Variants in ETV6 observed in about 807,000 individuals in gnomAD.
The protein encoded by ETV6 is ETS variant transcription factor 6.
In ETV6, 16 loss-of-function variants were observed where a neutral mutation model predicts 51.1. The ratio of observed to expected loss-of-function variants is 0.31; its 90% CI spans 0.21 to 0.48. ETV6 has a LOEUF of 0.48. ETV6 is among the 20% of genes least tolerant of loss of function. The pLI is 0.99. For missense variants in ETV6, 458 were observed against 594.8 expected (o/e 0.77, Z 2.39); for synonymous variants, 240 against 224.1 (o/e 1.07, Z -0.64).
At chr12:11,876,023 G>A (rs1436815457) in intron 5 of ETV6, among the ~76,000 whole-genome samples, 3 of 152,164 alleles carry the variant, frequency 2.0e-5, no homozygotes, top group Non-Finnish European at 4.4e-5. Context: ...GGAATCATAG[G>A]TGCAATGTAG....
At chr12:11,674,651 GTGTGTGTGTGTT>G (rs901876446) in intron 1 of ETV6, among the ~76,000 whole-genome samples, 1 of 147,436 alleles carries the variant, frequency 6.8e-6, no homozygotes, top group African/African-American at 2.5e-5. Flanking sequence ...GTGTGTGTGT[GTGTGTGTGTGTT>G]TGGTGTTTTC....
chr12:11,743,281 A>G (rs544867230), intron 1 of ETV6, among the ~76,000 whole-genome samples: 1 of 152,364 alleles, frequency 6.6e-6, no homozygotes, highest in South Asian at 2.1e-4. Flanking sequence ...TTCCAGAGAT[A>G]TAAATCTTTT....
chr12:11,890,124 A>ATTT (rs34570955), intron 7 of ETV6, among the ~76,000 whole-genome samples: 2,946 of 131,018 alleles, frequency 0.022, 58 homozygotes, highest in African/African-American at 0.043. Flanking sequence ...ATTGTAAAAG[A>ATTT]TTTTTTTTTT....
chr12:11,813,257 C>A (rs1398587189), intron 2 of ETV6, among the ~76,000 whole-genome samples: 1 of 152,246 alleles, frequency 6.6e-6, no homozygotes, highest in African/African-American at 2.4e-5. Flanking sequence ...CCTTCCCTTT[C>A]TTCCCTGCCC....
At chr12:11,704,446 A>G (rs896057341) in intron 1 of ETV6, among the ~76,000 whole-genome samples, 2 of 152,132 alleles carry the variant, frequency 1.3e-5, no homozygotes, top group Non-Finnish European at 2.9e-5. Flanking sequence ...TCCCAGGTTT[A>G]AGCGATTCTC....
intron 1 of ETV6, among the ~76,000 whole-genome samples, chr12:11,718,822 A>G (rs1389465989): frequency 6.6e-6 from 1 of 152,132 alleles, no homozygotes; most frequent in African/African-American, 2.4e-5. Flanking sequence ...CCAGTGCTCA[A>G]TACTGTATTT....
At chr12:11,747,940 T>C (rs906621455) in intron 1 of ETV6, among the ~76,000 whole-genome samples, 4 of 152,214 alleles carry the variant, frequency 2.6e-5, no homozygotes, top group African/African-American at 4.8e-5. Context: ...AATAAATAGC[T>C]TCCCATAGGA....
In ETV6 at chr12:11,735,086, CTTTTTTTTTTT is replaced by C. The variant is rs58797937; in HGVS notation, c.34-17348_34-17338del. 3.8e-4 allele frequency among the ~76,000 whole-genome samples: 29 copies of C among 76,242 alleles called. 1 individual carries two copies. In the South Asian group the frequency reaches 0.018, roughly 47 times the overall value. 50.0% of individuals were successfully genotyped at this position (76,242 alleles called of 152,430 possible). A position where few individuals can be genotyped will look rare whatever the true frequency, so the allele number is the denominator to read the frequency against. ...AAAGGTGCAAAGGTGGCAAGGTGGCCTTTTTTTTTTTTTTTTTTTTTTTTTTACTAATACTA... is the reference window on the plus strand; with the variant it reads ...AAAGGTGCAAAGGTGGCAAGGTGGCCTTTTTTTTTTTTTTTACTAATACTA... On this transcript the variant is annotated intron_variant, in intron 1 of 7. Coordinates refer to ENST00000396373, the MANE Select transcript of ETV6 (RefSeq NM_001987.5).
At chr12:11,873,809 C>T (rs1441010255) in intron 5 of ETV6, among the ~76,000 whole-genome samples, 1 of 111,022 alleles carries the variant, frequency 9.0e-6, no homozygotes, top group African/African-American at 3.5e-5. Context: ...ACTATAAAAG[C>T]GAAGCACATG....
intron 3 of ETV6, among the ~76,000 whole-genome samples, chr12:11,843,953 G>T (rs1003003263): frequency 1.3e-5 from 2 of 151,886 alleles, no homozygotes; most frequent in African/African-American, 2.4e-5. Flanking sequence ...AAGAATAAAT[G>T]GAAGGGATCC....
chr12:11,810,099 G>A (rs1020120968), intron 2 of ETV6, among the ~76,000 whole-genome samples: 1 of 152,120 alleles, frequency 6.6e-6, no homozygotes, highest in African/African-American at 2.4e-5. Flanking sequence ...GATTACAGGC[G>A]TGAGCCACCG....
At chr12:11,678,042 A>G (rs1402696357) in intron 1 of ETV6, among the ~76,000 whole-genome samples, 2 of 152,174 alleles carry the variant, frequency 1.3e-5, no homozygotes, top group Non-Finnish European at 2.9e-5. Flanking sequence ...CGTTGTGCCC[A>G]TCTCTGGATT....
intron 7 of ETV6, among the ~76,000 whole-genome samples, chr12:11,889,450 G>A (rs1947254434): frequency 1.3e-5 from 2 of 152,226 alleles, no homozygotes; most frequent in South Asian, 2.1e-4. Context: ...GTAATCAAGT[G>A]AGGTGTTGAA....
At chr12:11,800,502 T>A (rs1413471056) in intron 2 of ETV6, among the ~76,000 whole-genome samples, 1 of 152,160 alleles carries the variant, frequency 6.6e-6, no homozygotes, top group African/African-American at 2.4e-5. Flanking sequence ...ACAGATCTCC[T>A]GAGCTTATTC....
chr12:11,650,995 C>T (rs2120590224), intron 1 of ETV6, among the ~76,000 whole-genome samples: 1 of 152,268 alleles, frequency 6.6e-6, no homozygotes, highest in South Asian at 2.1e-4. Flanking sequence ...TGTGTGTATG[C>T]ATGTCTATAT....
At chr12:11,773,778 G>A (rs900622029) in intron 2 of ETV6, among the ~76,000 whole-genome samples, 1 of 152,232 alleles carries the variant, frequency 6.6e-6, no homozygotes, top group African/African-American at 2.4e-5. Flanking sequence ...ACCCTAGACT[G>A]TCTACCCCAA....
chr12:11,678,996 G>A (rs745315582), intron 1 of ETV6, among the ~76,000 whole-genome samples: 24 of 152,120 alleles, frequency 1.6e-4, no homozygotes, highest in Non-Finnish European at 2.8e-4. Flanking sequence ...TAATCTCTCC[G>A]GAAACACCCT....
intron 2 of ETV6, among the ~76,000 whole-genome samples, chr12:11,796,781 G>T (rs1472784857): frequency 7.3e-4 from 91 of 125,272 alleles, no homozygotes; most frequent in East Asian, 2.9e-3. Flanking sequence ...TTTTTTTTTT[G>T]TGTGTGTGTG....
At chr12:11,686,838 C>T (rs1440415215) in intron 1 of ETV6, among the ~76,000 whole-genome samples, 1 of 152,122 alleles carries the variant, frequency 6.6e-6, no homozygotes, top group African/African-American at 2.4e-5. Flanking sequence ...TTTCAATGCT[C>T]TGTTGTAGTT....
Sources: allele counts gnomAD v4.1 joint callset (sites outside exome capture counted in the v4.1 genomes callset), GRCh38; gene constraint gnomAD v4.1.1; transcripts MANE v1.5; gene names NCBI Gene and HGNC (gene_info 2026-07-23, HGNC 2026-07-21).